PIGL: variants seen among roughly 807,000 people sequenced by gnomAD.
The protein encoded by PIGL is N-acetylglucosaminyl-phosphatidylinositol de-N-acetylase.
PIGL carries 22 observed loss-of-function variants against 31.1 expected under a neutral mutation model. That is an observed-to-expected ratio of 0.71 (90% CI 0.51 to 1.01). PIGL has a LOEUF of 1.01. Among genes scored for constraint, PIGL ranks in the 50% least tolerant of loss-of-function variants. The pLI is 0.00. For missense variants in PIGL, 302 were observed against 315.9 expected, an observed-to-expected ratio of 0.96 and a Z score of 0.33; for synonymous variants, 131 against 117.4, an observed-to-expected ratio of 1.12 and a Z score of -0.75.
intron 3 of PIGL, 59 bp from the exon 4 acceptor site, chr17:16,313,488 T>G (rs2093063401): frequency 8.4e-7 from 1 of 1,194,136 alleles, no homozygotes; most frequent in Non-Finnish European, 1.3e-6. Flanking sequence ...AGGAGACAGC[T>G]CCATTGAAGT....
chr17:16,229,047 G>A (rs1389517981), intron 1 of PIGL, among the ~76,000 whole-genome samples: 2 of 152,026 alleles, frequency 1.3e-5, no homozygotes, highest in African/African-American at 4.8e-5. Flanking sequence ...GAAGTGGAAG[G>A]ATCCCTTGAG....
intron 2 of PIGL, among the ~76,000 whole-genome samples, chr17:16,291,157 G>A (rs957136435): frequency 6.6e-6 from 1 of 152,164 alleles, no homozygotes; most frequent in Admixed American, 6.5e-5. Flanking sequence ...GCTTGTATAA[G>A]TCCATGTGTA....
intron 2 of PIGL, among the ~76,000 whole-genome samples, chr17:16,266,548 T>G (rs2092843985): frequency 6.6e-6 from 1 of 152,032 alleles, no homozygotes; most frequent in African/African-American, 2.4e-5. Flanking sequence ...ATCAAGACCT[T>G]TAACTGCCTA....
intron 2 of PIGL, among the ~76,000 whole-genome samples, chr17:16,249,368 A>C (rs2092761532): frequency 6.6e-6 from 1 of 152,154 alleles, no homozygotes; most frequent in African/African-American, 2.4e-5. Flanking sequence ...AGTCCCAGCT[A>C]CTCGGGAGGC....
chr17:16,278,588 A>C lies in PIGL; in HGVS notation c.336-21300A>C, dbSNP rs560480922. On this transcript the variant is annotated intron_variant, in intron 2 of 6. Coordinates refer to ENST00000225609, the MANE Select transcript of PIGL (RefSeq NM_004278.4). ...AACTGAATAATACCCCTTTAATTTT[A>C]GCTAATATGTTCACACACAGAATTT... Among the ~76,000 whole-genome samples, 5 of 152,256 alleles carry C rather than the reference A, an allele frequency of 3.3e-5. No homozygotes were observed. The East Asian group carries it at 9.6e-4, about 29-fold the overall frequency.
At chr17:16,323,219 T>C (rs920335795) in intron 6 of PIGL, among the ~76,000 whole-genome samples, 5 of 152,126 alleles carry the variant, frequency 3.3e-5, no homozygotes, top group African/African-American at 1.2e-4. Flanking sequence ...GGCATGGCTG[T>C]GTGTGTATAT....
rs771899331 is a variant in PIGL at position 16,317,822 on chromosome 17, A to G, written c.574A>G (p.Ile192Val). The change falls in exon 6 of 7, where the codon ATC becomes GTC. Residue 192 changes from isoleucine to valine, a missense_variant. By Grantham distance (29) the Ile-to-Val change is conservative. Transcript: ENST00000225609. ...GTCTGTGAATGTGCTGCGCAAGTACATCTCCCTTCTGGATCTGCCCTTGTC... is the reference window on the plus strand; with the variant it reads ...GTCTGTGAATGTGCTGCGCAAGTACGTCTCCCTTCTGGATCTGCCCTTGTC... Reference protein sequence around the residue: ...LQSVNVLRKYISLLDLPLSLL... With the variant: ...LQSVNVLRKYVSLLDLPLSLL... 2 of 1,614,120 alleles carry G rather than the reference A, an allele frequency of 1.2e-6. No homozygotes were observed. The highest frequency in any genetic ancestry group is 1.7e-6 in the Non-Finnish European group (2 of 1,180,044).
intron 2 of PIGL, among the ~76,000 whole-genome samples, chr17:16,285,514 G>A (rs1461520485): frequency 6.6e-6 from 1 of 152,092 alleles, no homozygotes; most frequent in African/African-American, 2.4e-5. Context: ...GAACCCGGGC[G>A]GCAGAGGTTG....
intron 1 of PIGL, among the ~76,000 whole-genome samples, chr17:16,226,003 GAA>G (rs59842953): frequency 9.3e-5 from 12 of 129,440 alleles, no homozygotes; most frequent in African/African-American, 2.3e-4. Flanking sequence ...GCCAGACCAG[GAA>G]AAAAAAAAAA....
intron 2 of PIGL, among the ~76,000 whole-genome samples, chr17:16,298,935 G>A (rs1568831875): frequency 6.6e-6 from 1 of 152,134 alleles, no homozygotes; most frequent in Non-Finnish European, 1.5e-5. Flanking sequence ...GGCTGAGCAG[G>A]AGAACCATTC....
chr17:16,289,174 T>A (rs1326364899), intron 2 of PIGL, among the ~76,000 whole-genome samples: 1 of 152,208 alleles, frequency 6.6e-6, no homozygotes, highest in Non-Finnish European at 1.5e-5. Flanking sequence ...GTCTCTGTAT[T>A]CGAAGGTTTA....
chr17:16,313,419 C>T, intron 3 of PIGL, 128 bp from the exon 4 acceptor site: 1 of 735,570 alleles, frequency 1.4e-6, no homozygotes, highest in Admixed American at 1.9e-5. Context: ...TCAGAAGTCA[C>T]TTCAGATAGA....
intron 6 of PIGL, among the ~76,000 whole-genome samples, chr17:16,321,637 G>C (rs1398546153): frequency 6.6e-6 from 1 of 152,070 alleles, no homozygotes; most frequent in East Asian, 1.9e-4. Flanking sequence ...TAATTATCTT[G>C]TTTCTTCAAT....
At chr17:16,235,827 G>T (rs1272358672) in intron 2 of PIGL, among the ~76,000 whole-genome samples, 1 of 145,454 alleles carries the variant, frequency 6.9e-6, no homozygotes, top group Non-Finnish European at 1.5e-5. Context: ...ATATTTCATA[G>T]GCTGTACTAT....
chr17:16,297,304 G>T (rs532015670), intron 2 of PIGL, among the ~76,000 whole-genome samples: 2 of 152,122 alleles, frequency 1.3e-5, no homozygotes, highest in East Asian at 1.9e-4. Context: ...TTCCTGCATC[G>T]CCCCTCAAAA....
At chr17:16,322,572 A>T (rs1352564620) in intron 6 of PIGL, among the ~76,000 whole-genome samples, 3 of 152,174 alleles carry the variant, frequency 2.0e-5, no homozygotes, top group Non-Finnish European at 2.9e-5. Flanking sequence ...TATAGACTCC[A>T]TTGTGAGTTC....
chr17:16,282,990 T>A (rs1036850780), intron 2 of PIGL, among the ~76,000 whole-genome samples: 1 of 148,036 alleles, frequency 6.8e-6, no homozygotes, highest in African/African-American at 2.5e-5. Context: ...CGAGACCCCA[T>A]GTCTACCAAA....
intron 2 of PIGL, among the ~76,000 whole-genome samples, chr17:16,246,830 C>T (rs567097617): frequency 2.9e-4 from 43 of 150,824 alleles, no homozygotes; most frequent in African/African-American, 9.4e-4. Context: ...GGACTACAGG[C>T]GCCCGCCACC....
intron 6 of PIGL, among the ~76,000 whole-genome samples, chr17:16,318,943 C>T (rs2093090727): frequency 6.7e-6 from 1 of 149,000 alleles, no homozygotes; most frequent in African/African-American, 2.5e-5. Flanking sequence ...AAAAAAACAA[C>T]AAAAAACCTG....
Sources: gnomAD v4.1 joint callset for allele counts (sites outside exome capture counted in the v4.1 genomes callset) on GRCh38, gnomAD v4.1.1 for gene constraint, MANE v1.5 for transcripts, NCBI Gene and HGNC (gene_info 2026-07-23, HGNC 2026-07-21) for gene names.